Variants in TSNARE1 observed in about 807,000 individuals in gnomAD.
The protein encoded by TSNARE1 is t-SNARE domain-containing protein 1.
Under a neutral mutation model 62.0 loss-of-function variants are expected in TSNARE1, and 49 were observed. The ratio of observed to expected loss-of-function variants is 0.79; its 90% CI spans 0.63 to 1.00. TSNARE1 has a LOEUF of 1.00. Among genes scored for constraint, TSNARE1 ranks in the 50% least tolerant of loss-of-function variants. The probability of loss-of-function intolerance (pLI) is 0.00; values close to 1 mark genes in which losing one functional copy is unlikely to be tolerated. For missense variants in TSNARE1, 755 were observed against 700.1 expected, an observed-to-expected ratio of 1.08 and a Z score of -0.88; for synonymous variants, 328 against 294.4, an observed-to-expected ratio of 1.11 and a Z score of -1.17.
At chr8:142,234,205 A>C (rs1461234911) in intron 12 of TSNARE1, among the ~76,000 whole-genome samples, 3 of 146,738 alleles carry the variant, frequency 2.0e-5, no homozygotes, top group East Asian at 2.1e-4. Flanking sequence ...CGCCATGACC[A>C]CCACCATGGG....
chr8:142,360,179 G>T (rs978409820), intron 1 of TSNARE1, among the ~76,000 whole-genome samples: 5 of 152,202 alleles, frequency 3.3e-5, no homozygotes, highest in African/African-American at 1.2e-4. Context: ...CAGCATAAGG[G>T]GCTGCACATG....
At chr8:142,328,639 C>G (rs1288898349) in intron 6 of TSNARE1, among the ~76,000 whole-genome samples, 1 of 152,238 alleles carries the variant, frequency 6.6e-6, no homozygotes. Context: ...GCATTTCTGA[C>G]AGCCACACAC....
intron 1 of TSNARE1, among the ~76,000 whole-genome samples, chr8:142,355,587 C>A (rs1468031703): frequency 1.3e-5 from 2 of 152,166 alleles, no homozygotes; most frequent in Non-Finnish European, 1.5e-5. Flanking sequence ...GCTCTCCTGC[C>A]CAGACACTGC....
rs1014901079 is a variant in TSNARE1, at chr8:142,319,312, CTGCACACCTCTGAGGGG to C, written c.894-695_894-679del. 8.5e-5 allele frequency among the ~76,000 whole-genome samples: 13 copies of C among 152,162 alleles called. No individual in the cohort carries two copies. Among genetic ancestry groups the C allele is most frequent in the Admixed American group, 3.3e-4 (5 of 15,294 alleles). On this transcript the variant is annotated intron_variant, in intron 6 of 13. Transcript: ENST00000524325. This position sits in a 1 kb window ranked among gnomAD's most constrained non-coding sequence, Gnocchi z 4.9. ...AGGGAGGCCAGCAGTCCCCACCCCCCTGCACACCTCTGAGGGGTGCACACCTCTGAGGGGCCCCGGGT... is the reference window on the plus strand; with the variant it reads ...AGGGAGGCCAGCAGTCCCCACCCCCCTGCACACCTCTGAGGGGCCCCGGGT...
intron 12 of TSNARE1, among the ~76,000 whole-genome samples, chr8:142,244,971 C>G (rs1422760300): frequency 6.6e-6 from 1 of 152,194 alleles, no homozygotes; most frequent in Non-Finnish European, 1.5e-5. Flanking sequence ...AGACGCTGCA[C>G]CATCATTACG....
chr8:142,356,219 T>C (rs1834720721), intron 1 of TSNARE1, among the ~76,000 whole-genome samples: 2 of 152,182 alleles, frequency 1.3e-5, no homozygotes, highest in Non-Finnish European at 2.9e-5. Context: ...CAGGCCTTGT[T>C]CTGCCCAGGG....
intron 12 of TSNARE1, chr8:142,269,752 A>G: frequency 1.0e-6 from 1 of 985,424 alleles, no homozygotes; most frequent in South Asian, 4.7e-5. Flanking sequence ...GGGTGGAACC[A>G]TCAGAGTGGA....
Position 142,319,585 on chromosome 8 carries a change from C to A in TSNARE1, c.894-951G>T, listed in dbSNP as rs1036640218. On this transcript the variant is annotated intron_variant, in intron 6 of 13. Coordinates refer to ENST00000524325, the MANE Select transcript of TSNARE1 (RefSeq NM_145003.5). The surrounding 1 kb of genome is among the most constrained non-coding windows in gnomAD (Gnocchi z 4.9). ...CCCTGGCCTGCTGGAAACTGGGGAG[C>A]CTCAGTGACCCTTTCAAGTACAGCC... 5.9e-5 allele frequency among the ~76,000 whole-genome samples: 9 copies of A among 152,114 alleles called. No individual in the cohort carries two copies. The highest frequency in any genetic ancestry group is 2.2e-4 in the African/African-American group (9 of 41,420).
intron 12 of TSNARE1, chr8:142,273,192 T>C (rs11989641): frequency 0.18 from 177,760 of 980,944 alleles, 14,905 homozygotes; most frequent in African/African-American, 0.49. Flanking sequence ...TCCTCCTCCT[T>C]CACCTCCTCC....
chr8:142,400,454 A>G (rs1297988663), intron 1 of TSNARE1, among the ~76,000 whole-genome samples: 1 of 134,038 alleles, frequency 7.5e-6, no homozygotes, highest in Non-Finnish European at 1.6e-5. Flanking sequence ...AAAAAAAATT[A>G]AAAGGGCCGG....
chr8:142,305,599 G>C (rs1035611981), intron 9 of TSNARE1, among the ~76,000 whole-genome samples: 1 of 152,190 alleles, frequency 6.6e-6, no homozygotes. Context: ...AAAGCCAGGG[G>C]AGGAAGAGAT....
Position 142,360,465 on chromosome 8 carries a change from C to T in TSNARE1, c.-39-5702G>A, listed in dbSNP as rs1000638873. On this transcript the variant is annotated intron_variant, in intron 1 of 13. Coordinates refer to ENST00000524325, the MANE Select transcript of TSNARE1 (RefSeq NM_145003.5). ...GGCAGAGGCTGCCAGGCTGTTTTGC[C>T]CAAGAATAGCCCGAGCTCCAGGGCT... Among the ~76,000 whole-genome samples, 32 of 152,170 alleles carry T rather than the reference C, an allele frequency of 2.1e-4. 1 individual carries two copies. The highest frequency in any genetic ancestry group is 4.7e-4 in the Non-Finnish European group (32 of 67,996).
chr8:142,273,448 G>T (rs1419716327), intron 12 of TSNARE1: 1 of 985,234 alleles, frequency 1.0e-6, no homozygotes, highest in African/African-American at 1.7e-5. Flanking sequence ...GCGACTAGAG[G>T]TGCTGGGCCA....
rs754334443 is a variant in TSNARE1 at position 142,239,885 on chromosome 8, C to T, written c.1447-10306G>A. On this transcript the variant is annotated intron_variant, in intron 12 of 13. Transcript: ENST00000524325. Reference sequence around the variant, plus strand: ...GGCTGGGCTTGGTGTCCTATTTCTGCGACTGTTATGTACATTTGAAATATT... The same window carrying T: ...GGCTGGGCTTGGTGTCCTATTTCTGTGACTGTTATGTACATTTGAAATATT... Among the ~76,000 whole-genome samples, 72 of 152,100 alleles carry T rather than the reference C, an allele frequency of 4.7e-4. 1 individual carries two copies. Among genetic ancestry groups the T allele is most frequent in the Admixed American group, 7.9e-4 (12 of 15,274 alleles).
intron 12 of TSNARE1, chr8:142,270,628 A>G: frequency 1.0e-6 from 1 of 985,264 alleles, no homozygotes; most frequent in Non-Finnish European, 1.2e-6. Flanking sequence ...CACCAAAGGG[A>G]CAGGGGCTTT....
At chr8:142,388,493 T>C (rs931418479) in intron 1 of TSNARE1, among the ~76,000 whole-genome samples, 1 of 67,186 alleles carries the variant, frequency 1.5e-5, no homozygotes, top group Non-Finnish European at 2.9e-5. Context: ...AAACCCAAGA[T>C]AATGAACTAA....
intron 10 of TSNARE1, among the ~76,000 whole-genome samples, chr8:142,288,302 A>G (rs1823122071): frequency 6.6e-6 from 1 of 152,214 alleles, no homozygotes; most frequent in African/African-American, 2.4e-5. Flanking sequence ...CGGCCACTGC[A>G]CTGGGCGTTC....
intron 1 of TSNARE1, among the ~76,000 whole-genome samples, chr8:142,392,282 A>G (rs1366111706): frequency 6.6e-6 from 1 of 152,082 alleles, no homozygotes; most frequent in East Asian, 1.9e-4. Flanking sequence ...TCGGCCTCCC[A>G]AAGTGCTGGG....
At chr8:142,315,569 T>G (rs1247825521) in intron 7 of TSNARE1, among the ~76,000 whole-genome samples, 1 of 152,236 alleles carries the variant, frequency 6.6e-6, no homozygotes, top group East Asian at 1.9e-4. Context: ...CCACCACACC[T>G]CAGTGCCCAC....
Sources: allele counts gnomAD v4.1 joint callset (sites outside exome capture counted in the v4.1 genomes callset), GRCh38; gene constraint gnomAD v4.1.1; non-coding constraint Gnocchi (gnomAD v3.1); transcripts MANE v1.5; gene names NCBI Gene and HGNC (gene_info 2026-07-23, HGNC 2026-07-21).